KIAA1217: variants seen among roughly 807,000 people sequenced by gnomAD.
The protein encoded by KIAA1217 is sickle tail protein homolog.
Under a neutral mutation model 163.9 loss-of-function variants are expected in KIAA1217, and 88 were observed. The observed-to-expected ratio is 0.54, with a 90% CI of 0.45 to 0.64. KIAA1217 has a LOEUF of 0.64. KIAA1217 is among the 30% of genes least tolerant of loss of function. The pLI, the probability that KIAA1217 is intolerant of heterozygous loss-of-function variation, is 0.00. For synonymous variants in KIAA1217, 903 were observed against 923.1 expected, an observed-to-expected ratio of 0.98 and a Z score of 0.39; for missense variants, 2,372 against 2,475.0, an observed-to-expected ratio of 0.96 and a Z score of 0.88.
intron 5 of KIAA1217, among the ~76,000 whole-genome samples, chr10:24,452,695 A>AT (rs1472626001): frequency 1.3e-5 from 2 of 151,630 alleles, no homozygotes; most frequent in African/African-American, 4.8e-5. Flanking sequence ...AAAAAAAAAA[A>AT]AAAATAGAAT....
At chr10:24,544,589 C>A in intron 19 of KIAA1217, 108 bp downstream of exon 19, 1 of 1,102,632 alleles carries the variant, frequency 9.1e-7, no homozygotes, top group Non-Finnish European at 1.2e-6. Context: ...TTTCAGGTGG[C>A]TTTTTTTTTT....
rs532893586 is a variant in KIAA1217, at chr10:23,981,989, T to G, written c.-320-25236T>G. Reference sequence around the variant, plus strand: ...TAAACACTGCCTAGCGCTGCAGAGTTGAGAGGTAGAGAGCAAAAGGAACCT... The same window carrying G: ...TAAACACTGCCTAGCGCTGCAGAGTGGAGAGGTAGAGAGCAAAAGGAACCT... On this transcript the variant is annotated intron_variant, in intron 1 of 18. Transcript: ENST00000376462. 9.9e-5 allele frequency among the ~76,000 whole-genome samples: 15 copies of G among 151,860 alleles called. No homozygotes were observed. In the South Asian group the frequency reaches 3.1e-3, roughly 32 times the overall value.
At chr10:24,085,675 A>T (rs965692885) in intron 2 of KIAA1217, among the ~76,000 whole-genome samples, 3 of 152,060 alleles carry the variant, frequency 2.0e-5, no homozygotes, top group Admixed American at 6.6e-5. Flanking sequence ...TCAGTTAAAA[A>T]AAAAAAAGTG....
intron 1 of KIAA1217, among the ~76,000 whole-genome samples, chr10:23,990,466 G>A (rs1455609059): frequency 6.6e-6 from 1 of 151,860 alleles, no homozygotes; most frequent in African/African-American, 2.4e-5. Context: ...TAATGAGGTG[G>A]ATTTTTATTC....
intron 1 of KIAA1217, among the ~76,000 whole-genome samples, chr10:23,916,456 C>A (rs1842635475): frequency 6.6e-6 from 1 of 152,198 alleles, no homozygotes; most frequent in African/African-American, 2.4e-5. Flanking sequence ...TGCATTCACA[C>A]CACTTTATAT....
chr10:24,391,886 G>C (rs1053489449), intron 3 of KIAA1217, among the ~76,000 whole-genome samples: 1 of 152,100 alleles, frequency 6.6e-6, no homozygotes, highest in Admixed American at 6.5e-5. Flanking sequence ...TCCTAACCCA[G>C]ACACCTAGCT....
At chr10:23,909,905 G>C (rs141345238) in intron 1 of KIAA1217, among the ~76,000 whole-genome samples, 2,654 of 152,172 alleles carry the variant, frequency 0.017, 46 homozygotes, top group Admixed American at 0.052. Context: ...AATTTACACT[G>C]CCACCAACAG....
At chr10:24,131,585 G>A (rs913687364) in intron 2 of KIAA1217, among the ~76,000 whole-genome samples, 6 of 152,162 alleles carry the variant, frequency 3.9e-5, no homozygotes, top group South Asian at 4.2e-4. Context: ...AATTATGCCC[G>A]CTGTACATCT....
intron 3 of KIAA1217, among the ~76,000 whole-genome samples, chr10:24,395,424 C>G (rs2055587171): frequency 6.6e-6 from 1 of 152,176 alleles, no homozygotes; most frequent in Non-Finnish European, 1.5e-5. Context: ...GTGTCCTGCC[C>G]TTCTCCTGCC....
chr10:23,879,033 A>C (rs1840832989), intron 1 of KIAA1217, among the ~76,000 whole-genome samples: 1 of 152,064 alleles, frequency 6.6e-6, no homozygotes, highest in African/African-American at 2.4e-5. Flanking sequence ...CCACGTGTAG[A>C]AATCAAATGG....
intron 2 of KIAA1217, among the ~76,000 whole-genome samples, chr10:24,311,557 C>A (rs1275088918): frequency 1.3e-5 from 2 of 152,144 alleles, no homozygotes; most frequent in South Asian, 2.1e-4. Context: ...AATGATGTGA[C>A]CACATTGCTT....
chr10:24,057,827 C>T (rs1022981396), intron 2 of KIAA1217, among the ~76,000 whole-genome samples: 4 of 152,144 alleles, frequency 2.6e-5, no homozygotes, highest in African/African-American at 9.7e-5. Flanking sequence ...GGGATTCACA[C>T]ATATTTTCTC....
At chr10:23,818,353 T>A (rs9664678) in intron 1 of KIAA1217, among the ~76,000 whole-genome samples, 26,483 of 130,556 alleles carry the variant, frequency 0.2, 2,578 homozygotes, top group African/African-American at 0.25. Flanking sequence ...TATAAAAAAA[T>A]ATATATATAT....
intron 2 of KIAA1217, among the ~76,000 whole-genome samples, chr10:24,229,922 C>A (rs1256055024): frequency 6.6e-6 from 1 of 152,086 alleles, no homozygotes; most frequent in Non-Finnish European, 1.5e-5. Flanking sequence ...CAAAATCTCA[C>A]AAATCACCGG....
chr10:24,012,590 C>T (rs1330863480), intron 2 of KIAA1217, among the ~76,000 whole-genome samples: 1 of 152,140 alleles, frequency 6.6e-6, no homozygotes, highest in African/African-American at 2.4e-5. Flanking sequence ...TCCCTTGTGC[C>T]TTTGAATGAG....
chr10:24,305,452 T>C (rs1159404822), intron 2 of KIAA1217, among the ~76,000 whole-genome samples: 1 of 152,198 alleles, frequency 6.6e-6, no homozygotes, highest in Non-Finnish European at 1.5e-5. Flanking sequence ...CCGAGGGTGT[T>C]ACATTGAATA....
intron 2 of KIAA1217, among the ~76,000 whole-genome samples, chr10:24,025,502 C>A (rs895622376): frequency 4.6e-5 from 7 of 151,700 alleles, no homozygotes; most frequent in African/African-American, 1.7e-4. Flanking sequence ...GAGGTCTTTA[C>A]ATTTTTATAT....
intron 1 of KIAA1217, among the ~76,000 whole-genome samples, chr10:23,991,396 A>G (rs373192048): frequency 2.6e-5 from 4 of 152,318 alleles, no homozygotes; most frequent in South Asian, 4.1e-4. Context: ...TTAAGTGGTT[A>G]GTGGGAACAC....
intron 1 of KIAA1217, among the ~76,000 whole-genome samples, chr10:23,739,068 A>G (rs1588694917): frequency 6.6e-6 from 1 of 152,254 alleles, no homozygotes; most frequent in East Asian, 1.9e-4. Flanking sequence ...CTATTCACCT[A>G]TAAAAAGGAA....
Sources: allele counts gnomAD v4.1 joint callset (sites outside exome capture counted in the v4.1 genomes callset), GRCh38; gene constraint gnomAD v4.1.1; transcripts MANE v1.5; gene names NCBI Gene and HGNC (gene_info 2026-07-23, HGNC 2026-07-21).